The following FMN2 variants were observed in gnomAD, a reference collection of about 807,000 sequenced individuals.
FMN2 encodes formin 2, also known as formin-2.
In FMN2, 51 loss-of-function variants were observed where a neutral mutation model predicts 142.3. That is an observed-to-expected ratio of 0.36 (90% CI 0.29 to 0.45). FMN2 has a LOEUF of 0.45. Among genes scored for constraint, FMN2 ranks in the 20% least tolerant of loss-of-function variants. The pLI, the probability that FMN2 is intolerant of heterozygous loss-of-function variation, is 1.00. For synonymous variants in FMN2, 882 were observed against 869.8 expected (o/e 1.01, Z -0.25); for missense variants, 1,936 against 2,122.8 (o/e 0.91, Z 1.73).
intron 13 of FMN2, among the ~76,000 whole-genome samples, chr1:240,344,739 T>A (rs1043814922): frequency 6.6e-6 from 1 of 152,238 alleles, no homozygotes; most frequent in Non-Finnish European, 1.5e-5. Flanking sequence ...GATTGCCTGC[T>A]GTTCTGACCC....
At chr1:240,424,624 C>G (rs1361122930) in intron 15 of FMN2, among the ~76,000 whole-genome samples, 1 of 152,182 alleles carries the variant, frequency 6.6e-6, no homozygotes, top group Non-Finnish European at 1.5e-5. Flanking sequence ...ACACTGATAA[C>G]AGAACCTTCA....
intron 13 of FMN2, among the ~76,000 whole-genome samples, chr1:240,341,817 A>G (rs1671754763): frequency 6.6e-6 from 1 of 152,216 alleles, no homozygotes; most frequent in African/African-American, 2.4e-5. Flanking sequence ...TTGTAGATCC[A>G]GTCTCCACAC....
chr1:240,219,999 G>A lies in FMN2; in HGVS notation c.4065+8764G>A, dbSNP rs180945041. ...GTTTAGTATTTCACCTTTAGTTTTT[G>A]TTAATTTATGAATCTTTAAAATTAC... is the stretch of plus-strand genomic sequence containing the variant. On this transcript the variant is annotated intron_variant, in intron 6 of 17. Transcript: ENST00000319653. Among the ~76,000 whole-genome samples the A allele has an allele frequency of 2.7e-3, 411 of 152,140 alleles. 3 individuals are homozygous for A. In the South Asian group the frequency reaches 0.027, roughly 10 times the overall value.
At chr1:240,399,489 T>TA (rs1291898584) in intron 15 of FMN2, among the ~76,000 whole-genome samples, 5 of 152,220 alleles carry the variant, frequency 3.3e-5, no homozygotes, top group African/African-American at 1.2e-4. Context: ...TGTGTCCTAT[T>TA]ACGTCTTATG....
At chr1:240,334,358 G>T (rs975476243) in intron 13 of FMN2, 129 bp downstream of exon 13, 2 of 1,083,482 alleles carry the variant, frequency 1.8e-6, no homozygotes, top group South Asian at 5.4e-5. Context: ...TGTGTGTGGC[G>T]AAAGAACAAT....
intron 4 of FMN2, among the ~76,000 whole-genome samples, chr1:240,203,690 G>A (rs1394500361): frequency 6.6e-6 from 1 of 152,132 alleles, no homozygotes; most frequent in Non-Finnish European, 1.5e-5. Flanking sequence ...ATCAGGATAA[G>A]CAGCTAATGC....
At chr1:240,215,458 C>G (rs191781960) in intron 6 of FMN2, among the ~76,000 whole-genome samples, 3 of 152,138 alleles carry the variant, frequency 2.0e-5, no homozygotes, top group African/African-American at 4.8e-5. Flanking sequence ...CAGACTCCAG[C>G]CTTCTGGCTT....
chr1:240,380,110 C>G (rs1225802217), intron 14 of FMN2, among the ~76,000 whole-genome samples: 1 of 152,124 alleles, frequency 6.6e-6, no homozygotes, highest in African/African-American at 2.4e-5. Flanking sequence ...GAACTCTGGG[C>G]TTAAACTGGA....
At chr1:240,426,870 C>T (rs1435589856) in intron 15 of FMN2, among the ~76,000 whole-genome samples, 2 of 152,148 alleles carry the variant, frequency 1.3e-5, no homozygotes, top group East Asian at 1.9e-4. Flanking sequence ...TCCCAGGTAG[C>T]TGGGATTACA....
intron 14 of FMN2, among the ~76,000 whole-genome samples, chr1:240,360,166 T>C (rs895941429): frequency 1.3e-5 from 2 of 152,338 alleles, no homozygotes; most frequent in East Asian, 3.9e-4. Context: ...AAATTTAGCT[T>C]TCTCTATTTC....
intron 15 of FMN2, among the ~76,000 whole-genome samples, chr1:240,399,135 A>T (rs1461549870): frequency 6.6e-6 from 1 of 152,304 alleles, no homozygotes; most frequent in East Asian, 1.9e-4. Context: ...ATCTGTGAGA[A>T]AAAGAAAAAC....
At chr1:240,306,743 AT>A (rs1306559974) in intron 8 of FMN2, among the ~76,000 whole-genome samples, 2 of 151,972 alleles carry the variant, frequency 1.3e-5, no homozygotes, top group African/African-American at 2.4e-5. Flanking sequence ...AGAATGATTT[AT>A]TTTCCTTTGA....
intron 2 of FMN2, among the ~76,000 whole-genome samples, chr1:240,138,282 G>C (rs1434301684): frequency 6.6e-6 from 1 of 151,932 alleles, no homozygotes; most frequent in East Asian, 1.9e-4. Flanking sequence ...GGACTGAGGG[G>C]TGTGCTGTGT....
chr1:240,209,110 G>T (rs998730316), intron 5 of FMN2, among the ~76,000 whole-genome samples: 2 of 151,916 alleles, frequency 1.3e-5, no homozygotes, highest in Non-Finnish European at 2.9e-5. Flanking sequence ...TATGCCCTTT[G>T]GAAAATGAAT....
intron 16 of FMN2, among the ~76,000 whole-genome samples, chr1:240,461,434 GGTGCC>G (rs1676448134): frequency 6.6e-6 from 1 of 152,194 alleles, no homozygotes; most frequent in African/African-American, 2.4e-5. Context: ...TGATGAGCCA[GGTGCC>G]GTGCTGGGCA....
At chr1:240,374,184 C>T (rs1672965549) in intron 14 of FMN2, among the ~76,000 whole-genome samples, 1 of 152,164 alleles carries the variant, frequency 6.6e-6, no homozygotes, top group South Asian at 2.1e-4. Context: ...GATGTGCTGT[C>T]ATCCAGGCTT....
intron 6 of FMN2, among the ~76,000 whole-genome samples, chr1:240,222,548 T>C (rs1667159755): frequency 6.6e-6 from 1 of 152,070 alleles, no homozygotes; most frequent in Non-Finnish European, 1.5e-5. Flanking sequence ...GGTAGCTTGA[T>C]GGGGGTAGCA....
At chr1:240,326,662 C>A (rs1230171573) in intron 8 of FMN2, among the ~76,000 whole-genome samples, 1 of 151,658 alleles carries the variant, frequency 6.6e-6, no homozygotes, top group African/African-American at 2.4e-5. Context: ...GGTGTCTAAA[C>A]AAAATCAAAC....
intron 8 of FMN2, among the ~76,000 whole-genome samples, chr1:240,307,032 G>T (rs1393387705): frequency 6.6e-6 from 1 of 152,128 alleles, no homozygotes; most frequent in Non-Finnish European, 1.5e-5. Context: ...AAGTTTAGCT[G>T]CTTGTTATCA....
Sources: gnomAD v4.1 joint callset for allele counts (sites outside exome capture counted in the v4.1 genomes callset) on GRCh38, gnomAD v4.1.1 for gene constraint, MANE v1.5 for transcripts, NCBI Gene and HGNC (gene_info 2026-07-23, HGNC 2026-07-21) for gene names.